Variants in MIX23 observed in about 807,000 individuals in gnomAD.
MIX23 encodes mitochondrial matrix import factor 23, also known as protein MIX23.
A neutral mutation model predicts 21.6 loss-of-function variants in MIX23; 13 were observed. The observed-to-expected ratio is 0.60, with a 90% CI of 0.39 to 0.96. The LOEUF (loss-of-function observed/expected upper bound fraction) is 0.96. MIX23 is among the 40% of genes least tolerant of loss of function. The pLI, the probability that MIX23 is intolerant of heterozygous loss-of-function variation, is 0.00. For synonymous variants in MIX23, 59 were observed against 58.0 expected (o/e 1.02, Z -0.08); for missense variants, 144 against 171.2 (o/e 0.84, Z 0.89).
intron 1 of MIX23, among the ~76,000 whole-genome samples, chr3:122,379,219 A>C (rs949883350): frequency 1.3e-5 from 2 of 152,218 alleles, no homozygotes; most frequent in African/African-American, 4.8e-5. Flanking sequence ...CCATTTAGTC[A>C]ATCATTTCAG....
chr3:122,368,300 C>T lies in MIX23; in HGVS notation c.200G>A (p.Arg67Lys). The T allele has an allele frequency of 6.2e-7, 1 of 1,600,186 alleles. No homozygotes were observed. Among genetic ancestry groups the T allele is most frequent in the Non-Finnish European group, 8.5e-7 (1 of 1,177,612 alleles). The part of the protein sequence containing the change: ...YESLMAAHAS[R>K]DRVIKNCIAQ... ...TATACAGTTTTTTATGACTCTGTCT[C>T]TACTGGCATGAGCTGCCATCAACTA... Residue 67 changes from arginine (R) to lysine (K), a missense_variant, in exon 3 of 5, where the codon AGA (arginine) becomes AAA (lysine). Physicochemically the swap from Arg to Lys is conservative, Grantham distance 26 (BLOSUM62 2). Coordinates refer to ENST00000291458, the MANE Select transcript of MIX23 (RefSeq NM_001017928.4).
intron 4 of MIX23, among the ~76,000 whole-genome samples, chr3:122,362,732 G>A (rs1186567280): frequency 2.0e-5 from 3 of 151,988 alleles, no homozygotes; most frequent in African/African-American, 4.8e-5. Flanking sequence ...GAGCCACCTC[G>A]CCTGGCCCTG....
Position 122,380,699 on chromosome 3 carries a change from T to C in MIX23, c.51+2475A>G, listed in dbSNP as rs1005919921. ...ATGTTAAGAAGTTTATATCTAGTCA[T>C]ATGAACCCAAAACTCAAAAGCATAG... On this transcript the variant is annotated intron_variant, in intron 1 of 4. Transcript: ENST00000291458. Among the ~76,000 whole-genome samples the C allele has an allele frequency of 2.6e-5, 4 of 152,262 alleles. No homozygotes were observed. In the South Asian group the frequency reaches 6.2e-4, roughly 24 times the overall value.
At position 122,375,980 on chromosome 3, in the gene MIX23, G is replaced by A. The variant is rs1003755781; in HGVS notation, c.52-4180C>T. Among the ~76,000 whole-genome samples the A allele has an allele frequency of 1.3e-5, 2 of 151,852 alleles. 1 individual carries two copies. The highest frequency in any genetic ancestry group is 4.8e-5 in the African/African-American group (2 of 41,328). On this transcript the variant is annotated intron_variant, in intron 1 of 4. Coordinates refer to ENST00000291458, the MANE Select transcript of MIX23 (RefSeq NM_001017928.4). ...AGTTCGAGATCAGCCTGACCAACAT[G>A]GTGAAACCCCATCTCTACTAAAAAT...
rs769595670 is a variant in MIX23 at position 122,371,548 on chromosome 3, C to A, written c.177+127G>T. On this transcript the variant is annotated intron_variant, in intron 2 of 4. Transcript: ENST00000291458. ...GTAACCAGATCAAAACTTATATACA[C>A]CATCAGGTATAGGCAAAGAAAAGAT... 5 of 1,053,132 alleles carry A rather than the reference C, an allele frequency of 4.7e-6. No individual in the cohort carries two copies. In the African/African-American group the frequency reaches 6.4e-5, roughly 14 times the overall value. 65.2% of individuals were successfully genotyped at this position (1,053,132 alleles called of 1,614,324 possible).
intron 3 of MIX23, among the ~76,000 whole-genome samples, chr3:122,363,960 G>A (rs774759257): frequency 5.3e-5 from 8 of 152,132 alleles, no homozygotes; most frequent in Non-Finnish European, 1.2e-4. Context: ...TGAACTATAG[G>A]TTGATGCCAA....
intron 1 of MIX23, among the ~76,000 whole-genome samples, chr3:122,382,391 C>T (rs1193930873): frequency 6.6e-6 from 1 of 152,178 alleles, no homozygotes; most frequent in Non-Finnish European, 1.5e-5. Flanking sequence ...ATACCACTAC[C>T]TTCAAACCGT....
In MIX23 at chr3:122,368,268, T is replaced by C; in HGVS notation, c.232A>G (p.Thr78Ala). 1 of 1,610,388 alleles carries C rather than the reference T, an allele frequency of 6.2e-7. No homozygotes were observed. Among genetic ancestry groups the C allele is most frequent in the Non-Finnish European group, 8.5e-7 (1 of 1,179,620 alleles). Residue 78 changes from threonine (T) to alanine (A), a missense_variant, in exon 3 of 5, where the codon ACT becomes GCT. Coordinates refer to ENST00000291458, the MANE Select transcript of MIX23 (RefSeq NM_001017928.4). ...CGGAGGTTTTTTACTACTGCTGAAG[T>C]CTGGGCTATACAGTTTTTTATGACT... is the stretch of plus-strand genomic sequence containing the variant. ...DRVIKNCIAQ[T>A]SAVVKNLREE... is the part of the protein sequence containing the mutation.
At chr3:122,372,544 G>A (rs1456852028) in intron 1 of MIX23, among the ~76,000 whole-genome samples, 2 of 152,094 alleles carry the variant, frequency 1.3e-5, no homozygotes, top group African/African-American at 4.8e-5. Context: ...GAAAATGGCT[G>A]GGCACGGTGG....
intron 1 of MIX23, 72 bp downstream of exon 1, chr3:122,383,102 C>T (rs2075548261): frequency 1.3e-6 from 2 of 1,577,828 alleles, no homozygotes; most frequent in Non-Finnish European, 1.7e-6. Flanking sequence ...TTCATACTCC[C>T]TCGCAAAGCA....
At chr3:122,374,350 C>G (rs1398762931) in intron 1 of MIX23, among the ~76,000 whole-genome samples, 2 of 152,064 alleles carry the variant, frequency 1.3e-5, no homozygotes, top group Non-Finnish European at 1.5e-5. Flanking sequence ...CCTTAGTATC[C>G]ATGGGGGTTT....
At chr3:122,365,582 T>C (rs1310490568) in intron 3 of MIX23, 1 of 152,270 alleles carries the variant, frequency 6.6e-6, no homozygotes, top group Non-Finnish European at 1.5e-5. Context: ...AACTCACTGA[T>C]TGGTTTCTAA....
chr3:122,372,579 T>C (rs2075450294), intron 1 of MIX23, among the ~76,000 whole-genome samples: 1 of 152,060 alleles, frequency 6.6e-6, no homozygotes, highest in Non-Finnish European at 1.5e-5. Flanking sequence ...CCCAACACTT[T>C]AGGAGGCTGA....
intron 2 of MIX23, among the ~76,000 whole-genome samples, chr3:122,371,334 C>T (rs1456700613): frequency 1.3e-5 from 2 of 152,238 alleles, no homozygotes; most frequent in Admixed American, 6.5e-5. Context: ...TTAGGACTGA[C>T]GTGCTCACAT....
chr3:122,360,023 G>C, intron 4 of MIX23, 104 bp from the exon 5 acceptor site: 1 of 1,134,558 alleles, frequency 8.8e-7, no homozygotes, highest in Non-Finnish European at 1.3e-6. Context: ...TACCATTTTT[G>C]TCCTAAGTCA....
chr3:122,364,282 T>A (rs758421210), intron 3 of MIX23, among the ~76,000 whole-genome samples: 1 of 152,228 alleles, frequency 6.6e-6, no homozygotes, highest in Non-Finnish European at 1.5e-5. Context: ...GGACTCATTC[T>A]GACAATTAGT....
At chr3:122,379,829 T>C (rs536360939) in intron 1 of MIX23, among the ~76,000 whole-genome samples, 15 of 152,360 alleles carry the variant, frequency 9.8e-5, no homozygotes, top group Admixed American at 9.8e-4. Flanking sequence ...TTCTTCTATC[T>C]TTCATCCTCC....
chr3:122,360,010 T>A, intron 4 of MIX23, 91 bp from the exon 5 acceptor site: 1 of 1,250,406 alleles, frequency 8.0e-7, no homozygotes, highest in Non-Finnish European at 1.1e-6. Context: ...TCCAAAAGGC[T>A]ATTACCATTT....
rs1232236372 is a variant in MIX23, at chr3:122,383,197, A to C, written c.28T>G (p.Cys10Gly). Residue 10 changes from cysteine to glycine, a missense_variant, in exon 1 of 5, where the codon TGT becomes GGT. Transcript: ENST00000291458. ...ACCTGGAACTCGGCGAACTCCTCACAGTTCACACCGCCACTGGGCGCCGCC... is the reference window on the plus strand; with the variant it reads ...ACCTGGAACTCGGCGAACTCCTCACCGTTCACACCGCCACTGGGCGCCGCC... MAAPSGGVNCEEFAEFQELL... is the reference protein window; with the variant it reads MAAPSGGVNGEEFAEFQELL... The C allele has an allele frequency of 5.0e-6, 8 of 1,613,292 alleles. No homozygotes were observed. The South Asian group carries it at 8.8e-5, about 18-fold the overall frequency.
Sources: gnomAD v4.1 joint callset for allele counts (sites outside exome capture counted in the v4.1 genomes callset) on GRCh38, gnomAD v4.1.1 for gene constraint, MANE v1.5 for transcripts, NCBI Gene and HGNC (gene_info 2026-07-23, HGNC 2026-07-21) for gene names.